SYT1: variants seen among roughly 807,000 people sequenced by gnomAD.
SYT1 encodes synaptotagmin-1.
A neutral mutation model predicts 44.8 loss-of-function variants in SYT1; 8 were observed. The observed-to-expected ratio is 0.18, with a 90% confidence interval of 0.10 to 0.32. The LOEUF (loss-of-function observed/expected upper bound fraction) is 0.32. SYT1 is among the 10% of genes least tolerant of loss of function. The pLI is 1.00. For missense variants in SYT1, 286 were observed against 509.3 expected (o/e 0.56, Z 4.22); for synonymous variants, 154 against 188.8 (o/e 0.82, Z 1.51).
At chr12:79,016,545 T>C (rs1283286697) in intron 2 of SYT1, among the ~76,000 whole-genome samples, 1 of 152,122 alleles carries the variant, frequency 6.6e-6, no homozygotes, top group Non-Finnish European at 1.5e-5. Flanking sequence ...GTTAAATTAT[T>C]TACTAAGGGC....
At chr12:78,975,629 A>G (rs1353970164) in intron 1 of SYT1, among the ~76,000 whole-genome samples, 1 of 152,150 alleles carries the variant, frequency 6.6e-6, no homozygotes, top group African/African-American at 2.4e-5. Flanking sequence ...CCCAGACTCT[A>G]CTTGAAGTCT....
chr12:79,272,751 C>G (rs1479342174), intron 4 of SYT1, among the ~76,000 whole-genome samples: 3 of 152,056 alleles, frequency 2.0e-5, no homozygotes, highest in African/African-American at 7.2e-5. Context: ...AAGTAGCAAC[C>G]ACATTCAAGC....
At chr12:79,329,397 A>G (rs972006683) in intron 8 of SYT1, among the ~76,000 whole-genome samples, 1 of 152,212 alleles carries the variant, frequency 6.6e-6, no homozygotes, top group Non-Finnish European at 1.5e-5. Context: ...TATACTGAAA[A>G]TATAAGTGTC....
chr12:79,061,415 G>C (rs1875375186), intron 3 of SYT1, among the ~76,000 whole-genome samples: 1 of 152,044 alleles, frequency 6.6e-6, no homozygotes, highest in Non-Finnish European at 1.5e-5. Flanking sequence ...AGGAAGGAGA[G>C]GATCAGAAAG....
intron 2 of SYT1, among the ~76,000 whole-genome samples, chr12:79,031,731 A>G (rs2137674226): frequency 6.6e-6 from 1 of 151,264 alleles, no homozygotes; most frequent in South Asian, 2.1e-4. Flanking sequence ...AGTAATTATC[A>G]GACTGGGAAA....
intron 8 of SYT1, among the ~76,000 whole-genome samples, chr12:79,327,957 T>C (rs144314656): frequency 5.9e-5 from 9 of 152,112 alleles, no homozygotes; most frequent in South Asian, 2.1e-4. Context: ...CCAGAAAAAA[T>C]AAATAAGGGT....
chr12:79,160,220 A>G (rs1321108664), intron 3 of SYT1, among the ~76,000 whole-genome samples: 1 of 152,124 alleles, frequency 6.6e-6, no homozygotes, highest in Non-Finnish European at 1.5e-5. Context: ...CAAAAAGAAG[A>G]TCATGTTGGG....
At chr12:79,308,706 G>A (rs1479099188) in intron 8 of SYT1, among the ~76,000 whole-genome samples, 3 of 152,178 alleles carry the variant, frequency 2.0e-5, no homozygotes, top group African/African-American at 7.2e-5. Context: ...CACTGCAGAA[G>A]AGGGAGATTT....
At chr12:79,366,345 T>G (rs1883542806) in intron 9 of SYT1, among the ~76,000 whole-genome samples, 1 of 152,256 alleles carries the variant, frequency 6.6e-6, no homozygotes, top group Non-Finnish European at 1.5e-5. Flanking sequence ...TTATGAATTA[T>G]GCAAGTCTGA....
chr12:79,194,453 G>GTTATTA (rs3065428), intron 3 of SYT1, among the ~76,000 whole-genome samples: 2,822 of 148,630 alleles, frequency 0.019, 45 homozygotes, highest in Middle Eastern at 0.045. Flanking sequence ...TAATAATTTT[G>GTTATTA]TTATTATTAT....
chr12:78,937,471 AAC>A (rs529574845), intron 1 of SYT1, among the ~76,000 whole-genome samples: 141 of 152,300 alleles, frequency 9.3e-4, no homozygotes, highest in African/African-American at 3.2e-3. Flanking sequence ...TTATCATTGA[AAC>A]ACAATTATTA....
At chr12:79,304,112 GTTCA>G (rs1384977864) in intron 8 of SYT1, among the ~76,000 whole-genome samples, 4 of 152,090 alleles carry the variant, frequency 2.6e-5, no homozygotes, top group Admixed American at 1.3e-4. Context: ...TTCTTTACTT[GTTCA>G]TTGTCTATCT....
intron 8 of SYT1, among the ~76,000 whole-genome samples, chr12:79,304,249 G>A (rs957319984): frequency 6.6e-6 from 1 of 152,182 alleles, no homozygotes; most frequent in Admixed American, 6.5e-5. Context: ...GAATGGAGAT[G>A]TTTATTGTAT....
intron 9 of SYT1, among the ~76,000 whole-genome samples, chr12:79,399,315 A>G (rs1224018851): frequency 7.0e-6 from 1 of 142,318 alleles, no homozygotes; most frequent in African/African-American, 2.5e-5. Context: ...TTGCCTTTCA[A>G]AATTCCAATC....
In SYT1 at chr12:79,292,124, T is replaced by C. The variant is rs1360728513; in HGVS notation, c.468T>C (p.Asn156=). The change falls in exon 6 of 11, where the codon AAT becomes AAC. Residue 156 remains asparagine, a synonymous_variant. Transcript: ENST00000261205. ...LQYSLDYDFQ[N]NQLLVGIIQA... ...ATTCACTGGATTATGATTTCCAAAATAACCAGGTCTGAAGTGGAGAAATGT... is the reference window on the plus strand; with the variant it reads ...ATTCACTGGATTATGATTTCCAAAACAACCAGGTCTGAAGTGGAGAAATGT... 5.6e-6 allele frequency: 9 copies of C among 1,613,534 alleles called. No homozygotes were observed. Among genetic ancestry groups the C allele is most frequent in the Non-Finnish European group, 7.6e-6 (9 of 1,179,822 alleles).
intron 4 of SYT1, among the ~76,000 whole-genome samples, chr12:79,243,878 A>AAGGAAGGAAGGC (rs1315392070): frequency 6.6e-6 from 1 of 151,866 alleles, no homozygotes; most frequent in South Asian, 2.1e-4. Context: ...GGAAGGAGGG[A>AAGGAAGGAAGGC]AGGAAGGAAG....
intron 1 of SYT1, among the ~76,000 whole-genome samples, chr12:78,958,932 G>C (rs1879360628): frequency 2.0e-5 from 3 of 152,060 alleles, no homozygotes; most frequent in East Asian, 1.9e-4. Context: ...CTTATAATAT[G>C]CTAACTCAAA....
intron 1 of SYT1, among the ~76,000 whole-genome samples, chr12:78,917,828 A>G (rs1385832591): frequency 2.0e-5 from 3 of 152,022 alleles, no homozygotes; most frequent in Non-Finnish European, 4.4e-5. Flanking sequence ...GATAGCCTAA[A>G]ACACAAAATT....
At chr12:79,108,768 A>T (rs1878854708) in intron 3 of SYT1, among the ~76,000 whole-genome samples, 1 of 152,238 alleles carries the variant, frequency 6.6e-6, no homozygotes, top group African/African-American at 2.4e-5. Flanking sequence ...GTACTTCTTT[A>T]AAACACTGCT....
Sources: gnomAD v4.1 joint callset for allele counts (sites outside exome capture counted in the v4.1 genomes callset) on GRCh38, gnomAD v4.1.1 for gene constraint, MANE v1.5 for transcripts, NCBI Gene and HGNC (gene_info 2026-07-23, HGNC 2026-07-21) for gene names.